The following CFAP54 variants were observed in gnomAD, a reference collection of about 807,000 sequenced individuals.
CFAP54 encodes cilia and flagella associated protein 54, also known as cilia- and flagella-associated protein 54.
In CFAP54, 290 loss-of-function variants were observed where a neutral mutation model predicts 370.4. The observed-to-expected ratio is 0.78, with a 90% CI of 0.71 to 0.86. The LOEUF is 0.86. CFAP54 is among the 40% of genes least tolerant of loss of function. The probability of loss-of-function intolerance (pLI) is 0.00; values close to 1 mark genes in which losing one functional copy is unlikely to be tolerated. For missense variants in CFAP54, 3,399 were observed against 3,528.7 expected, an observed-to-expected ratio of 0.96 and a Z score of 0.93; for synonymous variants, 1,206 against 1,236.5, an observed-to-expected ratio of 0.98 and a Z score of 0.52.
At chr12:96,808,405 G>T (rs1958902286) in intron 63 of CFAP54, among the ~76,000 whole-genome samples, 3 of 152,218 alleles carry the variant, frequency 2.0e-5, no homozygotes, top group Admixed American at 2.0e-4. Context: ...CTGAAAAAGG[G>T]TGTATTAGAG....
At chr12:96,507,534 T>TAC (rs34776926) in intron 4 of CFAP54, among the ~76,000 whole-genome samples, 5,730 of 140,380 alleles carry the variant, frequency 0.041, 155 homozygotes, top group African/African-American at 0.083. Flanking sequence ...CACACACACA[T>TAC]ACACACACAC....
At chr12:96,493,397 T>G (rs1327223240) in intron 1 of CFAP54, among the ~76,000 whole-genome samples, 1 of 152,204 alleles carries the variant, frequency 6.6e-6, no homozygotes, top group African/African-American at 2.4e-5. Flanking sequence ...GGCTTCCTAC[T>G]AGGCACTCTG....
intron 19 of CFAP54, among the ~76,000 whole-genome samples, chr12:96,570,430 AT>A (rs1221011838): frequency 1.3e-5 from 2 of 150,900 alleles, no homozygotes; most frequent in Non-Finnish European, 2.9e-5. Flanking sequence ...GCATATCTAC[AT>A]TTTGGATTTT....
intron 55 of CFAP54, among the ~76,000 whole-genome samples, chr12:96,747,384 C>T (rs1232256194): frequency 6.6e-6 from 1 of 152,182 alleles, no homozygotes; most frequent in African/African-American, 2.4e-5. Flanking sequence ...GCTTCTCTCT[C>T]TCCTTTAATC....
At chr12:96,506,815 G>T in intron 3 of CFAP54, 113 bp from the exon 4 acceptor site, 1 of 822,742 alleles carries the variant, frequency 1.2e-6, no homozygotes, top group South Asian at 2.1e-5. Context: ...TCAAACTCCT[G>T]ACCTCAGGTG....
At chr12:96,860,695 C>G in intron 66 of CFAP54, 124 bp from the exon 67 acceptor site, 1 of 970,372 alleles carries the variant, frequency 1.0e-6, no homozygotes, top group Non-Finnish European at 1.5e-6. Context: ...TGTGCCTTAC[C>G]TGAGACACAC....
chr12:96,684,625 C>G (rs776183891), intron 40 of CFAP54, 23 bp from the exon 41 acceptor site: 2 of 1,571,612 alleles, frequency 1.3e-6, no homozygotes, highest in Non-Finnish European at 1.7e-6. Flanking sequence ...GACATTTGTT[C>G]TTTTACTTGA....
chr12:96,853,544 ATT>A (rs899886055), intron 66 of CFAP54, among the ~76,000 whole-genome samples: 9 of 152,196 alleles, frequency 5.9e-5, no homozygotes. Flanking sequence ...AATCAGAAGA[ATT>A]TTTACTTAAA....
chr12:96,740,986 T>C (rs958305381), intron 51 of CFAP54, among the ~76,000 whole-genome samples: 9 of 152,298 alleles, frequency 5.9e-5, no homozygotes, highest in African/African-American at 2.2e-4. Context: ...GAAACCCTGA[T>C]TGAGATTAAT....
At chr12:96,809,239 G>GA (rs1427384608) in intron 63 of CFAP54, among the ~76,000 whole-genome samples, 1 of 151,994 alleles carries the variant, frequency 6.6e-6, no homozygotes. Flanking sequence ...TCAGTTCATG[G>GA]CCTTTTTTTA....
At chr12:96,828,418 C>T (rs1311890394) in intron 65 of CFAP54, among the ~76,000 whole-genome samples, 1 of 152,040 alleles carries the variant, frequency 6.6e-6, no homozygotes, top group East Asian at 1.9e-4. Flanking sequence ...TGTCTTCTCC[C>T]ACATTGGCCT....
chr12:96,643,305 G>A (rs73239145), intron 32 of CFAP54, among the ~76,000 whole-genome samples: 1 of 152,224 alleles, frequency 6.6e-6, no homozygotes, highest in Non-Finnish European at 1.5e-5. Context: ...AAAGGAAGCT[G>A]CCCTCCTTCC....
chr12:96,742,030 G>A (rs530594813), intron 51 of CFAP54, among the ~76,000 whole-genome samples: 1 of 150,340 alleles, frequency 6.7e-6, no homozygotes, highest in South Asian at 2.1e-4. Context: ...AAAGCGTGTA[G>A]CACAGTACCT....
chr12:96,498,876 C>T (rs1451441000), intron 1 of CFAP54, among the ~76,000 whole-genome samples: 1 of 152,160 alleles, frequency 6.6e-6, no homozygotes, highest in Admixed American at 6.5e-5. Context: ...TTGCAGAAGA[C>T]ATATTTGATA....
intron 63 of CFAP54, among the ~76,000 whole-genome samples, chr12:96,800,224 A>G (rs185335352): frequency 6.6e-4 from 100 of 152,322 alleles, no homozygotes; most frequent in African/African-American, 2.3e-3. Flanking sequence ...AAACAAAACA[A>G]CATCTAAGAA....
intron 26 of CFAP54, among the ~76,000 whole-genome samples, chr12:96,615,074 A>G (rs1162209082): frequency 3.3e-5 from 5 of 152,236 alleles, no homozygotes; most frequent in Non-Finnish European, 5.9e-5. Flanking sequence ...AGCCAAAAGA[A>G]CAAAGCTGGA....
At position 96,708,812 on chromosome 12, in the gene CFAP54, T is replaced by TTTA. The variant is rs1212123926; in HGVS notation, c.6724+12_6724+14dup. ...CCTACCAAACTTGGAAGGTAATTGT[T>TTTA]TTATTTTTTGCTTATTTCTCTTTCT... On this transcript the variant is annotated intron_variant, in intron 48 of 67. Transcript: ENST00000524981. 1.9e-6 allele frequency: 3 copies of TTTA among 1,586,536 alleles called. No individual in the cohort carries two copies. The African/African-American group carries it at 4.1e-5, about 22-fold the overall frequency.
intron 63 of CFAP54, among the ~76,000 whole-genome samples, chr12:96,807,628 T>C (rs1401657383): frequency 2.0e-5 from 3 of 152,196 alleles, no homozygotes; most frequent in African/African-American, 7.2e-5. Context: ...GAATCCACCC[T>C]GAAGTATAAA....
chr12:96,648,612 A>T, intron 34 of CFAP54, among the ~76,000 whole-genome samples: 1 of 103,036 alleles, frequency 9.7e-6, no homozygotes, highest in East Asian at 2.8e-4. Context: ...TTTTTTGGAG[A>T]CGGAGTCTCA....
Sources: gnomAD v4.1 joint callset for allele counts (sites outside exome capture counted in the v4.1 genomes callset) on GRCh38, gnomAD v4.1.1 for gene constraint, MANE v1.5 for transcripts, NCBI Gene and HGNC (gene_info 2026-07-23, HGNC 2026-07-21) for gene names.